LIMS1: variants seen among roughly 807,000 people sequenced by gnomAD.
LIMS1 encodes LIM and senescent cell antigen-like-containing domain protein 1.
LIMS1 carries 18 observed loss-of-function variants against 44.1 expected under a neutral mutation model. That is an observed-to-expected ratio of 0.41 (90% confidence interval 0.28 to 0.61). The LOEUF (loss-of-function observed/expected upper bound fraction) is 0.61. LIMS1 is among the 20% of genes least tolerant of loss of function. The probability of loss-of-function intolerance (pLI) is 0.32; values close to 1 mark genes in which losing one functional copy is unlikely to be tolerated. For synonymous variants in LIMS1, 93 were observed against 149.1 expected (o/e 0.62, Z 2.74); for missense variants, 201 against 422.0 (o/e 0.48, Z 4.59).
intron 1 of LIMS1, among the ~76,000 whole-genome samples, chr2:108,596,389 A>G (rs1686684203): frequency 6.6e-6 from 1 of 152,252 alleles, no homozygotes; most frequent in Non-Finnish European, 1.5e-5. Context: ...GTTATATATG[A>G]TAACATTTTA....
intron 2 of LIMS1, among the ~76,000 whole-genome samples, chr2:108,666,455 C>CT: frequency 7.6e-6 from 1 of 132,370 alleles, no homozygotes; most frequent in Non-Finnish European, 1.6e-5. Flanking sequence ...GTAGCTGGGA[C>CT]TATAGGCACA....
rs1692251826 is a variant in LIMS1 at position 108,673,044 on chromosome 2, T to C, written c.530+15T>C. On this transcript the variant is annotated intron_variant, in intron 5 of 9. Transcript: ENST00000544547. ...GCCAACTGCGGGTACTGGAATTGTT[T>C]CTTTTTTATTACACAAGCAGTGGGA... 2.7e-6 allele frequency: 3 copies of C among 1,121,750 alleles called. No individual in the cohort carries two copies. The highest frequency in any genetic ancestry group is 3.8e-6 in the Non-Finnish European group (3 of 799,026). 69.5% of individuals were successfully genotyped at this position (1,121,750 alleles called of 1,614,324 possible). A position where few individuals can be genotyped will look rare whatever the true frequency, so the allele number is the denominator to read the frequency against.
At chr2:108,672,263 G>C (rs1489682332) in intron 3 of LIMS1, 62 bp from the exon 4 acceptor site, 3 of 1,185,486 alleles carry the variant, frequency 2.5e-6, no homozygotes, top group South Asian at 1.4e-5. Flanking sequence ...AGTAAATAAA[G>C]TGCCATGCCT....
intron 1 of LIMS1, among the ~76,000 whole-genome samples, chr2:108,575,396 TAG>T (rs994904038): frequency 8.6e-5 from 13 of 151,330 alleles, no homozygotes; most frequent in African/African-American, 3.2e-4. Flanking sequence ...GCTGAAATAG[TAG>T]AGATTTGCTG....
At chr2:108,622,837 T>A (rs1688328287) in intron 1 of LIMS1, among the ~76,000 whole-genome samples, 1 of 152,110 alleles carries the variant, frequency 6.6e-6, no homozygotes, top group East Asian at 1.9e-4. Flanking sequence ...TTTAAAAAAA[T>A]TAAGTTATAT....
intron 1 of LIMS1, among the ~76,000 whole-genome samples, chr2:108,554,129 A>G (rs763013595): frequency 2.2e-4 from 34 of 152,146 alleles, no homozygotes; most frequent in Non-Finnish European, 4.6e-4. Context: ...AATCCATTCA[A>G]TGTTGGGGAA....
intron 1 of LIMS1, among the ~76,000 whole-genome samples, chr2:108,628,309 C>G (rs1440245444): frequency 6.6e-6 from 1 of 152,194 alleles, no homozygotes; most frequent in Non-Finnish European, 1.5e-5. Context: ...TTTCCTTTGT[C>G]TTTCAGTGTC....
At chr2:108,656,798 TATA>T (rs1690892625) in intron 1 of LIMS1, among the ~76,000 whole-genome samples, 1 of 123,644 alleles carries the variant, frequency 8.1e-6, no homozygotes, top group African/African-American at 3.0e-5. Context: ...CAATCTATAT[TATA>T]ATGAGTTTAA....
At chr2:108,589,373 G>T (rs966999725) in intron 1 of LIMS1, among the ~76,000 whole-genome samples, 1 of 152,096 alleles carries the variant, frequency 6.6e-6, no homozygotes, top group Non-Finnish European at 1.5e-5. Flanking sequence ...GGTATTTTGA[G>T]ATATACAATA....
intron 1 of LIMS1, among the ~76,000 whole-genome samples, chr2:108,539,554 G>A (rs1015669474): frequency 1.3e-5 from 2 of 152,170 alleles, no homozygotes; most frequent in African/African-American, 2.4e-5. Flanking sequence ...CTCAGAGGTT[G>A]TTGTGATAAC....
rs574390549 is a variant in LIMS1 at position 108,552,190 on chromosome 2, GTATA to G, written c.32+17601_32+17604del. Among the ~76,000 whole-genome samples the G allele has an allele frequency of 4.6e-3, 654 of 142,840 alleles. 3 individuals carry two copies. The highest frequency in any genetic ancestry group is 0.015 in the South Asian group (67 of 4,614). The allele number at this position is 142,840 out of a possible 152,430, so 93.7% of individuals were successfully genotyped here. ...AATATAAAATATACAGTTTTATACA[GTATA>G]TATAAAATATACAATATATAATACA... is the stretch of plus-strand genomic sequence containing the variant. On this transcript the variant is annotated intron_variant, in intron 1 of 9. Transcript: ENST00000544547.
chr2:108,611,877 A>G, intron 1 of LIMS1, among the ~76,000 whole-genome samples: 1 of 146,136 alleles, frequency 6.8e-6, no homozygotes, highest in South Asian at 2.1e-4. Flanking sequence ...ATACACATAT[A>G]TATAAAATAT....
chr2:108,595,345 T>C (rs937447288), intron 1 of LIMS1, among the ~76,000 whole-genome samples: 1 of 152,166 alleles, frequency 6.6e-6, no homozygotes, highest in Non-Finnish European at 1.5e-5. Context: ...TAATGTGTGC[T>C]TGAGGAAGTA....
At chr2:108,623,081 G>A (rs1164031133) in intron 1 of LIMS1, among the ~76,000 whole-genome samples, 1 of 151,222 alleles carries the variant, frequency 6.6e-6, no homozygotes, top group Non-Finnish European at 1.5e-5. Flanking sequence ...ACCCATTCTG[G>A]TGATGTAGTT....
chr2:108,674,505 G>A (rs1171792246), intron 5 of LIMS1, among the ~76,000 whole-genome samples: 38 of 151,622 alleles, frequency 2.5e-4, no homozygotes, highest in Admixed American at 4.6e-4. Context: ...GGTGGATCAC[G>A]AGGTCAGGAG....
chr2:108,667,993 A>T (rs1419143521), intron 2 of LIMS1, among the ~76,000 whole-genome samples: 3 of 151,936 alleles, frequency 2.0e-5, no homozygotes, highest in Non-Finnish European at 4.4e-5. Flanking sequence ...ATATTTTTTT[A>T]TCCTTGGTTG....
Position 108,615,932 on chromosome 2 carries a change from A to T in LIMS1, c.33-43673A>T, listed in dbSNP as rs826682. On this transcript the variant is annotated intron_variant, in intron 1 of 9. Coordinates refer to ENST00000544547, the Ensembl canonical transcript of LIMS1. ...GGGAGTTTCCAAACGTGGAACTGTC[A>T]GCTAAATGTCTACTGGTCACCTCTT... Among the ~76,000 whole-genome samples, 6 of 152,180 alleles carry T rather than the reference A, an allele frequency of 3.9e-5. No individual in the cohort carries two copies. The South Asian group carries it at 1.2e-3, about 32-fold the overall frequency.
At chr2:108,586,125 G>A (rs1686091076) in intron 1 of LIMS1, among the ~76,000 whole-genome samples, 1 of 152,112 alleles carries the variant, frequency 6.6e-6, no homozygotes, top group Non-Finnish European at 1.5e-5. Flanking sequence ...CCAGGAGGCG[G>A]AGCTTGCAGT....
chr2:108,592,470 A>AG (rs1404831614), intron 1 of LIMS1, among the ~76,000 whole-genome samples: 2 of 152,038 alleles, frequency 1.3e-5, no homozygotes, highest in Non-Finnish European at 1.5e-5. Context: ...TGTGTGTGGG[A>AG]GGGGGGTGTG....
Sources: gnomAD v4.1 joint callset for allele counts (sites outside exome capture counted in the v4.1 genomes callset) on GRCh38, gnomAD v4.1.1 for gene constraint, MANE v1.5 for transcripts, NCBI Gene and HGNC (gene_info 2026-07-23, HGNC 2026-07-21) for gene names.